The following CCDC88C variants were observed in gnomAD, a reference collection of about 807,000 sequenced individuals.
CCDC88C encodes coiled-coil and HOOK domain protein 88C, also known as protein Daple.
Under a neutral mutation model 198.8 loss-of-function variants are expected in CCDC88C, and 131 were observed. The observed-to-expected ratio is 0.66, with a 90% CI of 0.57 to 0.76. The LOEUF is 0.76. CCDC88C is among the 30% of genes least tolerant of loss of function. CCDC88C has a pLI of 0.00. For synonymous variants in CCDC88C, 1,166 were observed against 1,114.7 expected (o/e 1.05, Z -0.92); for missense variants, 2,553 against 2,631.6 (o/e 0.97, Z 0.65).
At chr14:91,351,201 T>C (rs532842652) in intron 4 of CCDC88C, among the ~76,000 whole-genome samples, 3 of 152,360 alleles carry the variant, frequency 2.0e-5, no homozygotes, top group Middle Eastern at 3.4e-3. Flanking sequence ...TCTCTTCTCT[T>C]CTGGCTTACA....
intron 20 of CCDC88C, among the ~76,000 whole-genome samples, chr14:91,301,095 G>A (rs1891258485): frequency 6.6e-6 from 1 of 152,198 alleles, no homozygotes; most frequent in African/African-American, 2.4e-5. Flanking sequence ...CAACTGTAGG[G>A]CAGAAACTTT....
intron 13 of CCDC88C, among the ~76,000 whole-genome samples, chr14:91,317,905 CAG>C (rs879634536): frequency 3.3e-5 from 5 of 152,234 alleles, no homozygotes; most frequent in Non-Finnish European, 7.3e-5. Flanking sequence ...CAGGACAGGG[CAG>C]AGAGATGCCT....
Position 91,272,933 on chromosome 14 carries a change from G to A in CCDC88C, c.5779C>T (p.Leu1927=). Residue 1927 remains leucine (L), a synonymous_variant, in exon 30 of 30, where the codon CTG becomes TTG. Transcript: ENST00000389857. ...AAGSGSNSQL[L]HFSPAAAPAA... ...GGGGCTGCAGCAGGTGAGAAGTGCA[G>A]GAGCTGGGAGTTGCTGCCACTGCCA... 6.4e-7 allele frequency: 1 copy of A among 1,567,360 alleles called. No homozygotes were observed. The highest frequency in any genetic ancestry group is 1.2e-5 in the South Asian group (1 of 86,528).
At chr14:91,395,311 C>T (rs1885778970) in intron 3 of CCDC88C, among the ~76,000 whole-genome samples, 1 of 152,148 alleles carries the variant, frequency 6.6e-6, no homozygotes, top group African/African-American at 2.4e-5. Flanking sequence ...GGACCCAGAG[C>T]TGTCGCTATT....
chr14:91,353,278 G>A (rs957229105), intron 4 of CCDC88C, among the ~76,000 whole-genome samples: 4 of 152,004 alleles, frequency 2.6e-5, no homozygotes, highest in Admixed American at 6.5e-5. Context: ...TTCTCTGTCC[G>A]TGGCTTGCCC....
At chr14:91,343,734 A>T (rs955139667) in intron 4 of CCDC88C, 77 bp from the exon 5 acceptor site, 33 of 1,545,318 alleles carry the variant, frequency 2.1e-5, no homozygotes, top group Middle Eastern at 1.7e-4. Flanking sequence ...CGTAGGGAAA[A>T]AACAGATAAA....
In CCDC88C at chr14:91,309,998, G is replaced by T; in HGVS notation, c.2737-12C>A. The T allele has an allele frequency of 1.3e-6, 2 of 1,583,296 alleles. No individual in the cohort carries two copies. The highest frequency in any genetic ancestry group is 2.3e-5 in the East Asian group (1 of 43,556). ...TCGAGCACCAGGTCCTGGAATGATGGGGAGAGAGCACTGGATAGGAGCTCA... is the reference window on the plus strand; with the variant it reads ...TCGAGCACCAGGTCCTGGAATGATGTGGAGAGAGCACTGGATAGGAGCTCA... On this transcript the variant is annotated splice_polypyrimidine_tract_variant and intron_variant, in intron 15 of 29. Coordinates refer to ENST00000389857, the MANE Select transcript of CCDC88C (RefSeq NM_001080414.4).
chr14:91,404,044 C>T (rs533750118), intron 3 of CCDC88C, among the ~76,000 whole-genome samples: 7 of 152,370 alleles, frequency 4.6e-5, no homozygotes, highest in South Asian at 2.1e-4. Flanking sequence ...GCTGAGGCAG[C>T]GTGGGGCTCT....
chr14:91,414,134 G>A (rs1886927660), intron 2 of CCDC88C, among the ~76,000 whole-genome samples: 1 of 152,208 alleles, frequency 6.6e-6, no homozygotes, highest in Admixed American at 6.5e-5. Context: ...AAGGATCGAA[G>A]AATGTGGGGG....
chr14:91,388,093 C>T (rs1027341697), intron 3 of CCDC88C, among the ~76,000 whole-genome samples: 1 of 152,210 alleles, frequency 6.6e-6, no homozygotes, highest in African/African-American at 2.4e-5. Flanking sequence ...AGCCACACAC[C>T]ATCAGGACTT....
chr14:91,328,069 C>T (rs983188919), intron 10 of CCDC88C, among the ~76,000 whole-genome samples: 2 of 152,130 alleles, frequency 1.3e-5, no homozygotes, highest in African/African-American at 2.4e-5. Context: ...TTGTGAGCCT[C>T]GCGTAAGTGT....
intron 25 of CCDC88C, among the ~76,000 whole-genome samples, chr14:91,286,955 G>C (rs1890434165): frequency 6.6e-6 from 1 of 152,224 alleles, no homozygotes; most frequent in Non-Finnish European, 1.5e-5. Flanking sequence ...AGCACATAAA[G>C]TAGTTAGAGG....
rs142890615 is a variant in CCDC88C at position 91,380,676 on chromosome 14, T to G, written c.271-20965A>C. On this transcript the variant is annotated intron_variant, in intron 3 of 29. Transcript: ENST00000389857. ...GTTTTCTTACATAACCACAATTACA[T>G]GCTCTGAAGTTGTTTTTTTTTCCCC... 4.6e-3 allele frequency among the ~76,000 whole-genome samples: 701 copies of G among 152,290 alleles called. 5 individuals are homozygous for G. Among genetic ancestry groups the G allele is most frequent in the African/African-American group, 0.015 (633 of 41,556 alleles).
chr14:91,299,943 G>T lies in CCDC88C; in HGVS notation c.3763C>A (p.Arg1255=), dbSNP rs1226329586. The T allele has an allele frequency of 2.5e-6, 4 of 1,588,422 alleles. No homozygotes were observed. The highest frequency in any genetic ancestry group is 3.4e-6 in the Non-Finnish European group (4 of 1,170,746). The change falls in exon 21 of 30, where the codon CGG becomes AGG. Residue 1255 remains arginine (R), a synonymous_variant. Coordinates refer to ENST00000389857, the MANE Select transcript of CCDC88C (RefSeq NM_001080414.4). The stretch of plus-strand genomic sequence containing the variant: ...GGCGCTCACCTGTCCAGCTCGCCCC[G>T]CAGCCTCTGGTTCTCGCCCATGGCG... ...ALAMGENQRL[R]GELDRVNFLH... is the part of the protein sequence containing the mutation.
intron 10 of CCDC88C, among the ~76,000 whole-genome samples, chr14:91,326,926 C>T (rs1892607058): frequency 6.6e-6 from 1 of 152,222 alleles, no homozygotes; most frequent in East Asian, 1.9e-4. Flanking sequence ...GTGAGCTCCA[C>T]AAATGTATAC....
At position 91,342,390 on chromosome 14, in the gene CCDC88C, T is replaced by A; in HGVS notation, c.473A>T (p.His158Leu). The change falls in exon 6 of 30, where the codon CAT becomes CTT. Residue 158 changes from histidine to leucine, a missense_variant. Transcript: ENST00000389857. ...DIETQAGIVA[H>L]IQEVTHNQEN... ...AGGCCACGCACCTACCTCCTGGATA[T>A]GGGCCACGATGCCAGCCTGGGTCTC... 1 of 1,589,988 alleles carries A rather than the reference T, an allele frequency of 6.3e-7. No homozygotes were observed. The highest frequency in any genetic ancestry group is 8.6e-7 in the Non-Finnish European group (1 of 1,167,568).
In CCDC88C at chr14:91,273,581, C is replaced by T; in HGVS notation, c.5131G>A (p.Gly1711Ser). ...RKASDPPAIGGQPGPPAKKEG... is the reference protein window; with the variant it reads ...RKASDPPAIGSQPGPPAKKEG... ...TTCTTGGCAGGTGGTCCTGGTTGGC[C>T]TCCGATGGCTGGGGGATCGCTGGCC... The change falls in exon 30 of 30, where the codon GGC (glycine) becomes AGC (serine). Residue 1711 changes from glycine to serine, a missense_variant. Gly to Ser is a moderately conservative substitution (Grantham distance 56, BLOSUM62 0). This residue lies in a region of CCDC88C where 1,293 missense variants were observed against 1,219.6 expected (regional missense o/e 1.06). Transcript: ENST00000389857. This position sits in a 1 kb window ranked among gnomAD's most constrained non-coding sequence, Gnocchi z 5.6. The T allele has an allele frequency of 6.7e-7, 1 of 1,497,188 alleles. No individual in the cohort carries two copies. The highest frequency in any genetic ancestry group is 8.9e-7 in the Non-Finnish European group (1 of 1,122,246). The allele number at this position is 1,497,188 out of a possible 1,614,324, so 92.7% of individuals were successfully genotyped here. A position where few individuals can be genotyped will look rare whatever the true frequency, so the allele number is the denominator to read the frequency against.
intron 3 of CCDC88C, among the ~76,000 whole-genome samples, chr14:91,363,298 AG>A (rs1277812616): frequency 7.2e-6 from 1 of 139,012 alleles, no homozygotes; most frequent in Non-Finnish European, 1.5e-5. Context: ...TTTTGGAGAG[AG>A]GGGGTTTCAC....
Position 91,305,801 on chromosome 14 carries a change from GTGCTCCTGCAGGAAGGCGCTC to G in CCDC88C, c.3300_3320del (p.Gln1100_Glu1106del). 1 of 1,613,688 alleles carries G rather than the reference GTGCTCCTGCAGGAAGGCGCTC, an allele frequency of 6.2e-7. No individual in the cohort carries two copies. The highest frequency in any genetic ancestry group is 8.5e-7 in the Non-Finnish European group (1 of 1,179,622). ...CGGTCTGGGTCTGCAGTGTGGTGTT[GTGCTCCTGCAGGAAGGCGCTC>G]TGTTTCTGCAGTGTCAAGATCTGGC... On this transcript the variant is annotated inframe_deletion, in exon 19 of 30. Transcript: ENST00000389857.
Sources: allele counts gnomAD v4.1 joint callset (sites outside exome capture counted in the v4.1 genomes callset), GRCh38; gene constraint gnomAD v4.1.1; regional missense constraint gnomAD v4.1.1; non-coding constraint Gnocchi (gnomAD v3.1); transcripts MANE v1.5; gene names NCBI Gene and HGNC (gene_info 2026-07-23, HGNC 2026-07-21).